LARGE1: variants seen among roughly 807,000 people sequenced by gnomAD.
The protein encoded by LARGE1 is xylosyl- and glucuronyltransferase LARGE1.
LARGE1 carries 43 observed loss-of-function variants against 87.6 expected under a neutral mutation model. The ratio of observed to expected loss-of-function variants is 0.49; its 90% confidence interval spans 0.38 to 0.63. The LOEUF is 0.63. Ranked by LOEUF, LARGE1 falls within the 30% of genes least tolerant of loss-of-function variation. LARGE1 has a pLI of 0.00. For synonymous variants in LARGE1, 434 were observed against 394.6 expected (o/e 1.10, Z -1.18); for missense variants, 802 against 1,000.2 (o/e 0.80, Z 2.67).
chr22:33,661,247 G>A (rs1296549725), intron 2 of LARGE1, among the ~76,000 whole-genome samples: 3 of 144,428 alleles, frequency 2.1e-5, no homozygotes, highest in South Asian at 2.1e-4. Flanking sequence ...CCAGGGTCTC[G>A]CTCTGTTGCC....
rs543268428 is a variant in LARGE1 at position 33,273,284 on chromosome 22, T to C, written c.*1143A>G. On this transcript the variant is annotated 3_prime_UTR_variant, in exon 15 of 15. Coordinates refer to ENST00000397394, the MANE Select transcript of LARGE1 (RefSeq NM_133642.5). Reference sequence around the variant, plus strand: ...TGAAGGTGAAGGTGGTTGCCTACCCTTGGACAGGTCCCAAAGGGAGACTGA... The same window carrying C: ...TGAAGGTGAAGGTGGTTGCCTACCCCTGGACAGGTCCCAAAGGGAGACTGA... The C allele has an allele frequency of 5.0e-6, 2 of 397,748 alleles. No individual in the cohort carries two copies. Among genetic ancestry groups the C allele is most frequent in the African/African-American group, 2.1e-5 (1 of 48,620 alleles). 24.6% of individuals were successfully genotyped at this position (397,748 alleles called of 1,614,324 possible).
At chr22:33,304,854 A>G (rs1934657880) in intron 11 of LARGE1, among the ~76,000 whole-genome samples, 1 of 152,224 alleles carries the variant, frequency 6.6e-6, no homozygotes, top group African/African-American at 2.4e-5. Context: ...ACAAAGGTAT[A>G]AAAAAGCTCT....
chr22:33,078,765 A>T, the LARGE1 span, among the ~76,000 whole-genome samples: 1 of 152,192 alleles, frequency 6.6e-6, no homozygotes, highest in African/African-American at 2.4e-5. Flanking sequence ...CCCCTAAATT[A>T]CTCATGACTT....
chr22:33,425,319 T>A (rs868773296), intron 7 of LARGE1, among the ~76,000 whole-genome samples: 4 of 152,174 alleles, frequency 2.6e-5, no homozygotes, highest in Non-Finnish European at 5.9e-5. Context: ...TTCCCTGCTC[T>A]CTGCCATGTC....
At chr22:33,649,225 C>G (rs141966656) in intron 3 of LARGE1, among the ~76,000 whole-genome samples, 1 of 152,176 alleles carries the variant, frequency 6.6e-6, no homozygotes, top group African/African-American at 2.4e-5. Flanking sequence ...CACTGAACTT[C>G]CAAAGAACTT....
At chr22:33,619,037 G>A (rs2079661692) in intron 4 of LARGE1, among the ~76,000 whole-genome samples, 2 of 152,138 alleles carry the variant, frequency 1.3e-5, no homozygotes, top group Non-Finnish European at 2.9e-5. Context: ...CTGCCTTTGA[G>A]TAGGGGGACC....
chr22:33,680,654 G>A (rs1459825841), intron 2 of LARGE1, among the ~76,000 whole-genome samples: 1 of 152,164 alleles, frequency 6.6e-6, no homozygotes, highest in East Asian at 1.9e-4. Flanking sequence ...TGGAGAGGGT[G>A]AAGGCCGCCC....
At chr22:33,675,868 A>G (rs1472277070) in intron 2 of LARGE1, among the ~76,000 whole-genome samples, 4 of 145,454 alleles carry the variant, frequency 2.8e-5, no homozygotes, top group Non-Finnish European at 5.9e-5. Flanking sequence ...GACAAGTTAA[A>G]TAATTGGAAA....
chr22:33,379,205 T>G (rs1166556437), intron 9 of LARGE1, among the ~76,000 whole-genome samples: 1 of 151,766 alleles, frequency 6.6e-6, no homozygotes, highest in African/African-American at 2.4e-5. Context: ...CGTAAAGTCT[T>G]TATTTTATGA....
At chr22:33,183,507 T>C (rs1356921133) in intron 11 of LARGE1, among the ~76,000 whole-genome samples, 1 of 152,064 alleles carries the variant, frequency 6.6e-6, no homozygotes, top group East Asian at 1.9e-4. Context: ...AAATCAGCAG[T>C]GTCTCAAAGA....
At chr22:33,138,684 T>C in the LARGE1 span, among the ~76,000 whole-genome samples, 2 of 152,158 alleles carry the variant, frequency 1.3e-5, no homozygotes, top group African/African-American at 2.4e-5. Flanking sequence ...CCTCAGGTGA[T>C]CTGCCCACCT....
At chr22:33,911,792 A>G (rs1296266759) in intron 1 of LARGE1, among the ~76,000 whole-genome samples, 5 of 152,112 alleles carry the variant, frequency 3.3e-5, no homozygotes, top group Non-Finnish European at 7.3e-5. Context: ...AACCACAACA[A>G]TGATCCTTCA....
chr22:33,825,058 CT>C (rs759631179), intron 1 of LARGE1, among the ~76,000 whole-genome samples: 4 of 152,124 alleles, frequency 2.6e-5, no homozygotes, highest in Non-Finnish European at 5.9e-5. Flanking sequence ...TCTTAAAATG[CT>C]ATGATTTGTC....
intron 2 of LARGE1, among the ~76,000 whole-genome samples, chr22:33,694,007 G>A (rs1183007906): frequency 6.6e-6 from 1 of 152,166 alleles, no homozygotes; most frequent in Non-Finnish European, 1.5e-5. Context: ...AGCAGTATCT[G>A]CTCACAGTAT....
At chr22:33,739,618 A>T (rs2083800449) in intron 2 of LARGE1, among the ~76,000 whole-genome samples, 1 of 152,202 alleles carries the variant, frequency 6.6e-6, no homozygotes. Context: ...GAGTCAGAGA[A>T]GTGAACTCAC....
chr22:33,464,296 A>G (rs916681239), intron 6 of LARGE1, among the ~76,000 whole-genome samples: 1 of 152,224 alleles, frequency 6.6e-6, no homozygotes, highest in African/African-American at 2.4e-5. Flanking sequence ...TACAATAAGA[A>G]GAGTATTTTT....
the LARGE1 span, among the ~76,000 whole-genome samples, chr22:33,120,358 T>TTCTTTC: frequency 8.4e-5 from 10 of 118,682 alleles, no homozygotes; most frequent in African/African-American, 1.4e-4. Flanking sequence ...TTTTCTTTCT[T>TTCTTTC]TTTCTTTCTT....
intron 6 of LARGE1, among the ~76,000 whole-genome samples, chr22:33,456,424 ATTGTT>A (rs1221865682): frequency 6.6e-6 from 1 of 152,148 alleles, no homozygotes. Context: ...TGGACATATT[ATTGTT>A]TTAACAGTTT....
chr22:33,476,957 G>A (rs1312343949), intron 6 of LARGE1, among the ~76,000 whole-genome samples: 1 of 152,166 alleles, frequency 6.6e-6, no homozygotes, highest in Non-Finnish European at 1.5e-5. Flanking sequence ...GGTGACAATT[G>A]CTGGAATCGA....
Sources: gnomAD v4.1 joint callset for allele counts (sites outside exome capture counted in the v4.1 genomes callset) on GRCh38, gnomAD v4.1.1 for gene constraint, MANE v1.5 for transcripts, NCBI Gene and HGNC (gene_info 2026-07-23, HGNC 2026-07-21) for gene names.